TBCD: variants seen among roughly 807,000 people sequenced by gnomAD.
TBCD encodes tubulin-specific chaperone D.
Under a neutral mutation model 169.3 loss-of-function variants are expected in TBCD, and 105 were observed. That is an observed-to-expected ratio of 0.62 (90% CI 0.53 to 0.73). The LOEUF is 0.73. Ranked by LOEUF, TBCD falls within the 30% of genes least tolerant of loss-of-function variation. The probability of loss-of-function intolerance (pLI) is 0.00; values close to 1 mark genes in which losing one functional copy is unlikely to be tolerated. For missense variants in TBCD, 1,444 were observed against 1,600.1 expected (o/e 0.90, Z 1.66); for synonymous variants, 700 against 643.9 (o/e 1.09, Z -1.32).
At chr17:82,797,921 C>T (rs1023469041) in intron 8 of TBCD, 119 bp downstream of exon 8, 6 of 408,074 alleles carry the variant, frequency 1.5e-5, no homozygotes, top group African/African-American at 1.3e-4. Flanking sequence ...TATGTTTGGA[C>T]ACTATCGTTC....
In TBCD at chr17:82,789,855, C is replaced by T. The variant is rs2144478625; in HGVS notation, c.772-7902C>T. On this transcript the variant is annotated intron_variant, in intron 7 of 38. Coordinates refer to ENST00000355528, the MANE Select transcript of TBCD (RefSeq NM_005993.5). This position sits in a 1 kb window ranked among gnomAD's most constrained non-coding sequence, Gnocchi z 4.8. ...CCAGGTCACACCTGTTGTACCATCA[C>T]TTTCCCCTCCTGGCCTGTTTACCCG... Among the ~76,000 whole-genome samples the T allele has an allele frequency of 6.6e-6, 1 of 152,358 alleles. No homozygotes were observed. The highest frequency in any genetic ancestry group is 2.1e-4 in the South Asian group (1 of 4,828).
At chr17:82,829,813 A>G (rs1232979772) in intron 13 of TBCD, 2 of 310,822 alleles carry the variant, frequency 6.4e-6, no homozygotes, top group East Asian at 1.3e-4. Context: ...AAAAACAGTT[A>G]AAACAATTTG....
In TBCD at chr17:82,873,050, G is replaced by T. The variant is rs115536121; in HGVS notation, c.1475+2670G>T. Among the ~76,000 whole-genome samples the T allele has an allele frequency of 6.1e-3, 895 of 146,926 alleles. 29 individuals carry two copies. The highest frequency in any genetic ancestry group is 0.023 in the African/African-American group (855 of 36,470). On this transcript the variant is annotated intron_variant, in intron 14 of 38. Transcript: ENST00000355528. ...AGCAGCTCCCAGGCCCTGGCCCGGG[G>T]CTCAGCGCTGCCTCGTGGCTGAGAA...
intron 2 of TBCD, among the ~76,000 whole-genome samples, chr17:82,762,950 G>T (rs1215033152): frequency 6.6e-6 from 1 of 152,158 alleles, no homozygotes; most frequent in African/African-American, 2.4e-5. Flanking sequence ...AGTTGCAGTT[G>T]TTTTCCATGT....
At chr17:82,830,687 A>C in intron 13 of TBCD, 1 of 1,613,996 alleles carries the variant, frequency 6.2e-7, no homozygotes, top group East Asian at 2.2e-5. Context: ...AGCTCTGAGA[A>C]GCTGGCGGTT....
rs751916189 is a variant in TBCD at position 82,830,097 on chromosome 17, CGT to C, written c.1318+15171_1318+15172del. ...TGTTGTAGCTTGCCACCTTGGAAGG[CGT>C]GTGTGTGGCCGTAGCTCTGTGAACA... On this transcript the variant is annotated intron_variant, in intron 13 of 38. Transcript: ENST00000355528. 44 of 1,611,276 alleles carry C rather than the reference CGT, an allele frequency of 2.7e-5. No individual in the cohort carries two copies. The African/African-American group carries it at 5.1e-4, about 19-fold the overall frequency.
At chr17:82,828,870 G>T (rs911213201) in intron 13 of TBCD, among the ~76,000 whole-genome samples, 1 of 145,206 alleles carries the variant, frequency 6.9e-6, no homozygotes, top group Non-Finnish European at 1.5e-5. Flanking sequence ...ATGTACACAT[G>T]CACACTAACA....
At chr17:82,942,231 C>A (rs2063368927) in intron 38 of TBCD, 1 of 604,342 alleles carries the variant, frequency 1.7e-6, no homozygotes. Flanking sequence ...AACCTCCCTT[C>A]CCGCTCCCCA....
intron 8 of TBCD, among the ~76,000 whole-genome samples, chr17:82,798,261 A>C (rs977869836): frequency 2.7e-5 from 4 of 145,772 alleles, no homozygotes; most frequent in African/African-American, 1.0e-4. Context: ...ATTCTCCTGC[A>C]TCAACCTCCC....
intron 8 of TBCD, among the ~76,000 whole-genome samples, chr17:82,800,573 C>T (rs2144667877): frequency 6.6e-6 from 1 of 152,146 alleles, no homozygotes; most frequent in East Asian, 1.9e-4. Flanking sequence ...TCCGTGGCTG[C>T]AGTGTGCCTG....
intron 14 of TBCD, among the ~76,000 whole-genome samples, chr17:82,870,627 G>A (rs1466764672): frequency 2.0e-5 from 3 of 152,148 alleles, no homozygotes. Flanking sequence ...ATTCTTGGGC[G>A]CAGGTGATCG....
At chr17:82,784,745 C>T (rs529773044) in intron 7 of TBCD, among the ~76,000 whole-genome samples, 17 of 152,280 alleles carry the variant, frequency 1.1e-4, no homozygotes, top group South Asian at 6.2e-4. Context: ...ACCAAGGACA[C>T]GCTCTTAGGT....
intron 5 of TBCD, among the ~76,000 whole-genome samples, chr17:82,771,293 A>G (rs1180620695): frequency 1.3e-5 from 2 of 152,034 alleles, no homozygotes; most frequent in Admixed American, 1.3e-4. Flanking sequence ...AGACAATATA[A>G]TGTGACTCAG....
At chr17:82,868,406 C>CT (rs2057332721) in intron 13 of TBCD, among the ~76,000 whole-genome samples, 2 of 152,180 alleles carry the variant, frequency 1.3e-5, no homozygotes, top group Admixed American at 1.3e-4. Flanking sequence ...CCCCGGGCCT[C>CT]TGTGTGCAGC....
At chr17:82,931,555 G>A (rs1414854092) in intron 33 of TBCD, among the ~76,000 whole-genome samples, 1 of 152,216 alleles carries the variant, frequency 6.6e-6, no homozygotes, top group Admixed American at 6.5e-5. Context: ...GACCAGTCGT[G>A]TCTGTTGGTG....
At chr17:82,766,213 T>C in intron 3 of TBCD, 54 bp from the exon 4 acceptor site, 1 of 1,476,354 alleles carries the variant, frequency 6.8e-7, no homozygotes, top group Non-Finnish European at 9.3e-7. Flanking sequence ...AAAGGCAATT[T>C]TGCTGCTCTC....
Position 82,944,628 on chromosome 17 carries a change from G to A in TBCD, c.*2165G>A, listed in dbSNP as rs556784877. ...AGAGAATGCTTGTGGTCCCAGAAGT[G>A]GAGCAAGCTTTGTGAGTTTAGAGAG... On this transcript the variant is annotated 3_prime_UTR_variant, in exon 39 of 39. Transcript: ENST00000355528. The A allele has an allele frequency of 6.6e-6, 1 of 152,346 alleles. No homozygotes were observed. Among genetic ancestry groups the A allele is most frequent in the African/African-American group, 2.4e-5 (1 of 41,568 alleles). The allele number at this position is 152,346 out of a possible 1,614,324, so 9.4% of individuals were successfully genotyped here.
chr17:82,926,328 C>T, intron 27 of TBCD, 72 bp from the exon 28 acceptor site: 2 of 1,464,166 alleles, frequency 1.4e-6, no homozygotes, highest in Non-Finnish European at 1.9e-6. Flanking sequence ...TCCGGGCCAA[C>T]ATTGCCACCT....
intron 6 of TBCD, among the ~76,000 whole-genome samples, chr17:82,780,247 C>T (rs994742706): frequency 2.0e-5 from 3 of 152,204 alleles, no homozygotes; most frequent in African/African-American, 4.8e-5. Flanking sequence ...CGTTGAGCTC[C>T]GTGGCTTCCG....
Sources: gnomAD v4.1 joint callset for allele counts (sites outside exome capture counted in the v4.1 genomes callset) on GRCh38, gnomAD v4.1.1 for gene constraint, Gnocchi (gnomAD v3.1) non-coding constraint, MANE v1.5 for transcripts, NCBI Gene and HGNC (gene_info 2026-07-23, HGNC 2026-07-21) for gene names.